PCDH15: variants seen among roughly 807,000 people sequenced by gnomAD.
PCDH15 encodes protocadherin related 15.
PCDH15 carries 129 observed loss-of-function variants against 178.5 expected under a neutral mutation model. The observed-to-expected ratio is 0.72, with a 90% CI of 0.63 to 0.84. The LOEUF (loss-of-function observed/expected upper bound fraction) is 0.84. Ranked by LOEUF, PCDH15 falls within the 40% of genes least tolerant of loss-of-function variation. The pLI, the probability that PCDH15 is intolerant of heterozygous loss-of-function variation, is 0.00. For missense variants in PCDH15, 2,230 were observed against 2,099.9 expected, an observed-to-expected ratio of 1.06 and a Z score of -1.21; for synonymous variants, 800 against 732.0, an observed-to-expected ratio of 1.09 and a Z score of -1.50.
chr10:54,023,245 GGC>G, intron 18 of PCDH15, 48 bp from the exon 19 acceptor site: 1 of 1,553,430 alleles, frequency 6.4e-7, no homozygotes, highest in East Asian at 2.3e-5. Context: ...AGTTTTGACG[GGC>G]TACTGTAAAT....
intron 5 of PCDH15, among the ~76,000 whole-genome samples, chr10:54,350,335 T>C (rs1413022453): frequency 6.6e-6 from 1 of 152,198 alleles, no homozygotes; most frequent in Non-Finnish European, 1.5e-5. Flanking sequence ...CTCTCCTCCA[T>C]AGTTCCACAT....
chr10:54,740,875 G>A (rs1355291038), intron 1 of PCDH15, among the ~76,000 whole-genome samples: 3 of 151,754 alleles, frequency 2.0e-5, no homozygotes, highest in East Asian at 3.9e-4. Flanking sequence ...GCAAGGGTAG[G>A]GTAGAGGATG....
At position 55,504,308 on chromosome 10, in the gene PCDH15, C is replaced by T. The variant is rs1840716599; in HGVS notation, c.-156+123317G>A. ...TGTTACATGAGAAATCTCAATTTTGCTATAAATCTAAAACTGCTCTAAAAA... is the reference window on the plus strand; with the variant it reads ...TGTTACATGAGAAATCTCAATTTTGTTATAAATCTAAAACTGCTCTAAAAA... On this transcript the variant is annotated intron_variant, in intron 2 of 5. Transcript: ENST00000613346. Among the ~76,000 whole-genome samples, 6 of 151,236 alleles carry T rather than the reference C, an allele frequency of 4.0e-5. No homozygotes were observed. The South Asian group carries it at 1.2e-3, about 31-fold the overall frequency.
chr10:54,743,605 A>G (rs1591397173), intron 1 of PCDH15, among the ~76,000 whole-genome samples: 1 of 152,038 alleles, frequency 6.6e-6, no homozygotes, highest in East Asian at 1.9e-4. Flanking sequence ...GCTTCTAAGT[A>G]TACTTTACTC....
intron 25 of PCDH15, among the ~76,000 whole-genome samples, chr10:53,913,939 A>G (rs7071158): frequency 0.76 from 115,359 of 151,960 alleles, 44,436 homozygotes; most frequent in East Asian, 1. Flanking sequence ...CAACACCGTC[A>G]AAAAGTGGGC....
At chr10:54,018,315 A>G (rs2092808076) in intron 20 of PCDH15, among the ~76,000 whole-genome samples, 1 of 152,150 alleles carries the variant, frequency 6.6e-6, no homozygotes, top group Admixed American at 6.6e-5. Flanking sequence ...AAAAGGGAGT[A>G]ATCCTCAGGA....
intron 9 of PCDH15, among the ~76,000 whole-genome samples, chr10:54,234,766 T>C (rs1213056326): frequency 1.3e-5 from 2 of 152,148 alleles, no homozygotes; most frequent in African/African-American, 4.8e-5. Context: ...CAGCAAATAA[T>C]TGTAAGAGTT....
chr10:54,215,058 AAG>A (rs1359815045), intron 9 of PCDH15, among the ~76,000 whole-genome samples: 1 of 152,194 alleles, frequency 6.6e-6, no homozygotes, highest in Non-Finnish European at 1.5e-5. Flanking sequence ...TAATAACCAT[AAG>A]AGAAAAATAA....
intron 2 of PCDH15, among the ~76,000 whole-genome samples, chr10:55,069,563 T>G (rs1300077678): frequency 1.4e-5 from 2 of 143,608 alleles, no homozygotes; most frequent in Non-Finnish European, 3.0e-5. Context: ...TTACTGAGAA[T>G]GATGATTTCC....
chr10:55,320,789 A>G (rs1469632744), upstream of PCDH15, among the ~76,000 whole-genome samples: 1 of 152,214 alleles, frequency 6.6e-6, no homozygotes, highest in Admixed American at 6.5e-5. Flanking sequence ...CTCAAAGGAA[A>G]GCAATGCCAA....
intron 3 of PCDH15, among the ~76,000 whole-genome samples, chr10:54,404,828 G>A (rs1436736141): frequency 2.0e-5 from 3 of 151,934 alleles, no homozygotes; most frequent in Non-Finnish European, 2.9e-5. Context: ...TAAAAAGTGG[G>A]CAAAGGACAT....
At chr10:55,595,566 G>A (rs867697950) in intron 2 of PCDH15, among the ~76,000 whole-genome samples, 2 of 151,970 alleles carry the variant, frequency 1.3e-5, no homozygotes, top group Non-Finnish European at 2.9e-5. Context: ...GAATAACCAG[G>A]ATTAAGAACC....
At chr10:54,548,774 C>T (rs977019270) in intron 2 of PCDH15, among the ~76,000 whole-genome samples, 8 of 150,828 alleles carry the variant, frequency 5.3e-5, no homozygotes, top group African/African-American at 1.9e-4. Context: ...ACAACATTTT[C>T]CTGTGTCTTT....
intron 2 of PCDH15, among the ~76,000 whole-genome samples, chr10:55,570,361 T>C (rs1477444442): frequency 6.6e-6 from 1 of 152,004 alleles, no homozygotes; most frequent in Non-Finnish European, 1.5e-5. Flanking sequence ...TTCATAAGTG[T>C]CTAATACAAC....
At chr10:54,213,470 T>C (rs1322651093) in intron 10 of PCDH15, among the ~76,000 whole-genome samples, 10 of 152,170 alleles carry the variant, frequency 6.6e-5, no homozygotes. Flanking sequence ...CATCTTTGGA[T>C]AGGCAAGACC....
rs541668303 is a variant in PCDH15, at chr10:54,338,188, C to T, written c.594+8177G>A. 1.2e-4 allele frequency among the ~76,000 whole-genome samples: 18 copies of T among 152,118 alleles called. No individual in the cohort carries two copies. In the South Asian group the frequency reaches 2.1e-3, roughly 18 times the overall value. ...GCCTTGGTGTGAAAAGACTGAGGTT[C>T]GAAGTTTTACACAAAGAAGGCCTTT... On this transcript the variant is annotated intron_variant, in intron 6 of 37. Coordinates refer to ENST00000644397, the MANE Select transcript of PCDH15 (RefSeq NM_001384140.1).
intron 19 of PCDH15, among the ~76,000 whole-genome samples, 183 bp downstream of exon 19, chr10:54,022,709 T>C (rs1243655721): frequency 6.6e-6 from 1 of 152,122 alleles, no homozygotes; most frequent in African/African-American, 2.4e-5. Context: ...ATCTTTAAAG[T>C]AGGCTTGCCA....
chr10:54,432,815 G>T (rs1443565352), intron 3 of PCDH15, among the ~76,000 whole-genome samples: 3 of 151,986 alleles, frequency 2.0e-5, no homozygotes, highest in East Asian at 1.9e-4. Context: ...GAAAATATTT[G>T]CAAACTAACC....
chr10:54,944,743 C>T (rs1237121291), intron 2 of PCDH15, among the ~76,000 whole-genome samples: 4 of 151,654 alleles, frequency 2.6e-5, no homozygotes, highest in Non-Finnish European at 5.9e-5. Context: ...TATTGAGATA[C>T]GATATGTGAG....
Sources: gnomAD v4.1 joint callset for allele counts (sites outside exome capture counted in the v4.1 genomes callset) on GRCh38, gnomAD v4.1.1 for gene constraint, MANE v1.5 for transcripts, NCBI Gene and HGNC (gene_info 2026-07-23, HGNC 2026-07-21) for gene names.